Variants in ZNF385B observed in about 807,000 individuals in gnomAD.
The protein encoded by ZNF385B is zinc finger protein 385B, also known as zinc finger protein 533.
ZNF385B carries 23 observed loss-of-function variants against 39.2 expected under a neutral mutation model. The ratio of observed to expected loss-of-function variants is 0.59; its 90% CI spans 0.42 to 0.83. The LOEUF is 0.83. Among genes scored for constraint, ZNF385B ranks in the 40% least tolerant of loss-of-function variants. The pLI is 0.00. For missense variants in ZNF385B, 552 were observed against 598.9 expected (o/e 0.92, Z 0.82); for synonymous variants, 205 against 222.6 (o/e 0.92, Z 0.70).
chr2:179,477,188 C>T lies in ZNF385B; in HGVS notation c.715+6084G>A, dbSNP rs80143155. On this transcript the variant is annotated intron_variant, in intron 6 of 9. Coordinates refer to ENST00000410066, the MANE Select transcript of ZNF385B (RefSeq NM_152520.6). ...CAACACATAAAAACTATGAAGTACACAGGGGAACCCATAAAAATGATGAGG... is the reference window on the plus strand; with the variant it reads ...CAACACATAAAAACTATGAAGTACATAGGGGAACCCATAAAAATGATGAGG... 8.7e-3 allele frequency among the ~76,000 whole-genome samples: 1,329 copies of T among 152,232 alleles called. 25 individuals are homozygous for T. Among genetic ancestry groups the T allele is most frequent in the African/African-American group, 0.031 (1,269 of 41,548 alleles).
intron 1 of ZNF385B, among the ~76,000 whole-genome samples, chr2:179,788,695 C>T (rs1012282242): frequency 6.6e-6 from 1 of 152,142 alleles, no homozygotes; most frequent in African/African-American, 2.4e-5. Context: ...GATTGTCAGA[C>T]ATTTGATTCT....
intron 3 of ZNF385B, among the ~76,000 whole-genome samples, chr2:179,616,674 C>A (rs931635726): frequency 6.6e-6 from 1 of 152,154 alleles, no homozygotes. Context: ...ATCTTCTCAC[C>A]TCAGCCTCCT....
intron 1 of ZNF385B, among the ~76,000 whole-genome samples, chr2:179,789,613 G>A (rs1705207531): frequency 6.6e-6 from 1 of 152,112 alleles, no homozygotes; most frequent in Admixed American, 6.5e-5. Flanking sequence ...ATACAACCAA[G>A]AAAAATTGAG....
rs143102732 is a variant in ZNF385B, at chr2:179,500,863, A to C, written c.553-17429T>G. On this transcript the variant is annotated intron_variant, in intron 5 of 9. Coordinates refer to ENST00000410066, the MANE Select transcript of ZNF385B (RefSeq NM_152520.6). ...CCTATCTGACAAGGGATTAATAACT[A>C]GAATACATAAGGATCTCAAACAACT... Among the ~76,000 whole-genome samples, 317 of 152,332 alleles carry C rather than the reference A, an allele frequency of 2.1e-3. 3 individuals carry two copies. Among genetic ancestry groups the C allele is most frequent in the African/African-American group, 7.4e-3 (306 of 41,594 alleles).
intron 3 of ZNF385B, chr2:179,637,116 G>A (rs1052323571): frequency 1.3e-5 from 2 of 152,152 alleles, no homozygotes; most frequent in African/African-American, 4.8e-5. Context: ...CCTTGCTCTA[G>A]TTATAGTAAT....
At chr2:179,576,250 G>A (rs933647628) in intron 3 of ZNF385B, 12 of 883,620 alleles carry the variant, frequency 1.4e-5, no homozygotes, top group South Asian at 5.2e-5. Flanking sequence ...CTCCCATGCC[G>A]CTGCCAGATC....
At chr2:179,774,435 A>C (rs1032839986) in intron 1 of ZNF385B, among the ~76,000 whole-genome samples, 1 of 151,664 alleles carries the variant, frequency 6.6e-6, no homozygotes, top group African/African-American at 2.4e-5. Context: ...ATCTTGGCTC[A>C]TTGCAACCTC....
At chr2:179,602,772 A>G (rs1688507737) in intron 3 of ZNF385B, among the ~76,000 whole-genome samples, 1 of 152,182 alleles carries the variant, frequency 6.6e-6, no homozygotes, top group Admixed American at 6.6e-5. Context: ...AATAGAAGTT[A>G]TGATAATTCA....
intron 3 of ZNF385B, among the ~76,000 whole-genome samples, chr2:179,701,050 C>T (rs1396815296): frequency 6.6e-6 from 1 of 152,076 alleles, no homozygotes; most frequent in Non-Finnish European, 1.5e-5. Flanking sequence ...AACAAAAAAA[C>T]ACTCATTGGT....
At chr2:179,838,688 A>G (rs1394717515) in intron 1 of ZNF385B, among the ~76,000 whole-genome samples, 1 of 152,206 alleles carries the variant, frequency 6.6e-6, no homozygotes, top group African/African-American at 2.4e-5. Context: ...GGCTAGATCT[A>G]TAAGCAAAAA....
At chr2:179,552,819 C>T (rs2060662389) in intron 3 of ZNF385B, among the ~76,000 whole-genome samples, 1 of 149,236 alleles carries the variant, frequency 6.7e-6, no homozygotes, top group African/African-American at 2.5e-5. Flanking sequence ...ACAGAGATAA[C>T]ATTTTTATAG....
chr2:179,466,843 C>T (rs1574284312), intron 6 of ZNF385B, among the ~76,000 whole-genome samples: 1 of 142,454 alleles, frequency 7.0e-6, no homozygotes, highest in African/African-American at 2.6e-5. Flanking sequence ...ATTGCCTGAA[C>T]CCAGGAGGCA....
chr2:179,771,192 T>G (rs1261047052), intron 1 of ZNF385B, among the ~76,000 whole-genome samples: 3 of 152,150 alleles, frequency 2.0e-5, no homozygotes, highest in Non-Finnish European at 4.4e-5. Flanking sequence ...GTATTGGCTT[T>G]CAACAGTCCT....
chr2:179,444,804 C>A, intron 9 of ZNF385B, 72 bp downstream of exon 9: 1 of 1,274,476 alleles, frequency 7.8e-7, no homozygotes, highest in Non-Finnish European at 1.1e-6. Context: ...TCTATGCCCT[C>A]CTTGCCCACA....
chr2:179,667,740 C>T (rs1695360439), intron 3 of ZNF385B, among the ~76,000 whole-genome samples: 1 of 148,406 alleles, frequency 6.7e-6, no homozygotes, highest in African/African-American at 2.5e-5. Context: ...GGAAAGGTCC[C>T]TAGAGAGAGG....
intron 5 of ZNF385B, among the ~76,000 whole-genome samples, chr2:179,510,034 T>G (rs9288038): frequency 0.094 from 14,335 of 152,248 alleles, 866 homozygotes; most frequent in African/African-American, 0.15. Context: ...AATAGCTTAG[T>G]CACTAGTATT....
At chr2:179,505,440 C>G (rs1373408722) in intron 5 of ZNF385B, among the ~76,000 whole-genome samples, 3 of 151,980 alleles carry the variant, frequency 2.0e-5, no homozygotes, top group Non-Finnish European at 2.9e-5. Flanking sequence ...TTCCATTCCT[C>G]TCAAATGATA....
chr2:179,756,143 C>T (rs1702999489), intron 3 of ZNF385B, among the ~76,000 whole-genome samples: 1 of 151,884 alleles, frequency 6.6e-6, no homozygotes, highest in Non-Finnish European at 1.5e-5. Flanking sequence ...ATGTTTAGTG[C>T]TTCCTTCAGG....
At chr2:179,836,422 A>T (rs975553333) in intron 1 of ZNF385B, among the ~76,000 whole-genome samples, 2 of 152,176 alleles carry the variant, frequency 1.3e-5, no homozygotes, top group Non-Finnish European at 2.9e-5. Flanking sequence ...TAAAATAAAA[A>T]TGTAAAATAA....
Sources: gnomAD v4.1 joint callset for allele counts (sites outside exome capture counted in the v4.1 genomes callset) on GRCh38, gnomAD v4.1.1 for gene constraint, MANE v1.5 for transcripts, NCBI Gene and HGNC (gene_info 2026-07-23, HGNC 2026-07-21) for gene names.